CTNND1: variants seen among roughly 807,000 people sequenced by gnomAD.
CTNND1 encodes catenin delta 1.
Under a neutral mutation model 112.1 loss-of-function variants are expected in CTNND1, and 16 were observed. The ratio of observed to expected loss-of-function variants is 0.14; its 90% CI spans 0.10 to 0.22. CTNND1 has a LOEUF of 0.22. Ranked by LOEUF, CTNND1 falls within the 10% of genes least tolerant of loss-of-function variation. CTNND1 has a pLI of 1.00. For synonymous variants in CTNND1, 420 were observed against 446.5 expected (o/e 0.94, Z 0.75); for missense variants, 1,008 against 1,257.0 (o/e 0.80, Z 3.00).
intron 1 of CTNND1, among the ~76,000 whole-genome samples, chr11:57,768,419 A>G: frequency 1.9e-5 from 2 of 105,866 alleles, no homozygotes; most frequent in African/African-American, 7.4e-5. Flanking sequence ...TTTTAGACAG[A>G]GTCTTGCTCT....
chr11:57,812,074 C>A (rs1275560122), intron 17 of CTNND1, among the ~76,000 whole-genome samples: 2 of 152,176 alleles, frequency 1.3e-5, no homozygotes, highest in Non-Finnish European at 2.9e-5. Context: ...AAGATTGTTA[C>A]AATTTGTACT....
intron 1 of CTNND1, among the ~76,000 whole-genome samples, chr11:57,780,005 C>T (rs973282783): frequency 1.3e-5 from 2 of 150,104 alleles, no homozygotes; most frequent in South Asian, 2.1e-4. Flanking sequence ...TTCCCCTCTC[C>T]GTAAAAAAAA....
At chr11:57,816,167 A>G (rs1208093397) in intron 20 of CTNND1, 130 bp from the exon 21 acceptor site, 2 of 1,260,878 alleles carry the variant, frequency 1.6e-6, no homozygotes, top group Middle Eastern at 1.9e-4. Flanking sequence ...CGAGTCTGGG[A>G]CATGCAGCTG....
At chr11:57,802,542 A>T (rs1428157657) in intron 7 of CTNND1, among the ~76,000 whole-genome samples, 1 of 152,210 alleles carries the variant, frequency 6.6e-6, no homozygotes, top group South Asian at 2.1e-4. Context: ...TCTCCAACAC[A>T]TTCTATTATC....
At position 57,805,873 on chromosome 11, in the gene CTNND1, G is replaced by A; in HGVS notation, c.1723-9G>A. The A allele has an allele frequency of 6.2e-7, 1 of 1,610,074 alleles. No individual in the cohort carries two copies. Among genetic ancestry groups the A allele is most frequent in the Non-Finnish European group, 8.5e-7 (1 of 1,177,638 alleles). On this transcript the variant is annotated splice_polypyrimidine_tract_variant and intron_variant, in intron 9 of 20. Transcript: ENST00000399050. ...TCTTTTTTCTCATTGGCCCTTTTAT[G>A]TCCCTAAGCTTGTAGAGAACTGTGT...
At position 57,796,551 on chromosome 11, in the gene CTNND1, A is replaced by G. The variant is rs2061384697; in HGVS notation, c.515A>G (p.Asn172Ser). ...GLPVDASSVS[N>S]NYIQTLGRDF... Reference sequence around the variant, plus strand: ...CCTGTGGATGCTTCATCAGTTTCTAACAACTATATCCAGACTTTGGGTCGT... The same window carrying G: ...CCTGTGGATGCTTCATCAGTTTCTAGCAACTATATCCAGACTTTGGGTCGT... Residue 172 changes from asparagine (N) to serine (S), a missense_variant, in exon 6 of 21, where the codon AAC becomes AGC. By Grantham distance (46) the Asn-to-Ser change is conservative. Transcript: ENST00000399050. 21 of 1,614,008 alleles carry G rather than the reference A, an allele frequency of 1.3e-5. No homozygotes were observed. The highest frequency in any genetic ancestry group is 1.8e-5 in the Non-Finnish European group (21 of 1,179,892).
rs930494018 is a variant in CTNND1 at position 57,797,437 on chromosome 11, G to A, written c.956+445G>A. Among the ~76,000 whole-genome samples, 8 of 147,946 alleles carry A rather than the reference G, an allele frequency of 5.4e-5. No homozygotes were observed. The East Asian group carries it at 1.6e-3, about 30-fold the overall frequency. On this transcript the variant is annotated intron_variant, in intron 6 of 20. Transcript: ENST00000399050. ...GTAGAGATGGGGTTTCACCATGTTGGCCAGGCTGGTCTCAAACTCCCGACC... is the reference window on the plus strand; with the variant it reads ...GTAGAGATGGGGTTTCACCATGTTGACCAGGCTGGTCTCAAACTCCCGACC...
At position 57,796,507 on chromosome 11, in the gene CTNND1, T is replaced by C. The variant is rs2136922631; in HGVS notation, c.471T>C (p.Ala157=). The change falls in exon 6 of 21, where the codon GCT becomes GCC. Residue 157 remains alanine, a synonymous_variant. Transcript: ENST00000399050. The part of the protein sequence containing the change: ...TVTTRTVQPV[A]MGPDGLPVDA... ...CAACACGGACAGTACAGCCAGTCGC[T>C]ATGGGACCAGACGGGTTGCCTGTGG... The C allele has an allele frequency of 6.2e-7, 1 of 1,613,966 alleles. No individual in the cohort carries two copies. Among genetic ancestry groups the C allele is most frequent in the East Asian group, 2.2e-5 (1 of 44,892 alleles).
intron 3 of CTNND1, 72 bp downstream of exon 3, chr11:57,791,745 G>A (rs1007818668): frequency 6.3e-6 from 9 of 1,437,902 alleles, no homozygotes; most frequent in Non-Finnish European, 8.3e-6. Flanking sequence ...ATCCTTTTTG[G>A]GAAGCTACTC....
At position 57,816,153 on chromosome 11, in the gene CTNND1, CT is replaced by C. The variant is rs375072062; in HGVS notation, c.2896-142del. On this transcript the variant is annotated intron_variant, in intron 20 of 20. Transcript: ENST00000399050. ...GGTTCTGCTTTTGTGATTATTACCT[CT>C]TACGAGTCTGGGACATGCAGCTGGT... 7.1e-5 allele frequency: 84 copies of C among 1,190,790 alleles called. No homozygotes were observed. In the East Asian group the frequency reaches 1.4e-3, roughly 19 times the overall value. The allele number at this position is 1,190,790 out of a possible 1,614,324, so 73.8% of individuals were successfully genotyped here.
rs200948871 is a variant in CTNND1, at chr11:57,808,417, C to T, written c.2119C>T (p.Arg707Cys). ...TGGTCGATACATCCGCTCTGCTCTG[C>T]GTCAAGAGAAGGCTCTTTCTGCCAT... ...TYGRYIRSALRQEKALSAIAD... is the reference protein window; with the variant it reads ...TYGRYIRSALCQEKALSAIAD... Residue 707 changes from arginine to cysteine, a missense_variant, in exon 14 of 21, where the codon CGT becomes TGT. Around this residue, in one of 5 missense-constraint regions of CTNND1, gnomAD observed 254 missense variants for 279.5 expected, o/e 0.91. Transcript: ENST00000399050. 24 of 1,610,976 alleles carry T rather than the reference C, an allele frequency of 1.5e-5. No homozygotes were observed. Among genetic ancestry groups the T allele is most frequent in the South Asian group, 3.3e-5 (3 of 90,606 alleles).
intron 1 of CTNND1, among the ~76,000 whole-genome samples, chr11:57,769,086 C>A (rs1289762981): frequency 6.6e-6 from 1 of 151,454 alleles, no homozygotes; most frequent in Admixed American, 6.6e-5. Flanking sequence ...GCAGGCGCAT[C>A]ACTTGAGGTC....
At chr11:57,806,831 C>A (rs1291482761) in intron 11 of CTNND1, 84 bp from the exon 12 acceptor site, 5 of 1,206,784 alleles carry the variant, frequency 4.1e-6, no homozygotes, top group Non-Finnish European at 6.0e-6. Flanking sequence ...AAGGTTCTGA[C>A]TGAAGGATGA....
At position 57,794,017 on chromosome 11, in the gene CTNND1, G is replaced by C. The variant is rs779266022; in HGVS notation, c.203G>C (p.Arg68Pro). The C allele has an allele frequency of 2.5e-6, 4 of 1,613,824 alleles. No individual in the cohort carries two copies. The African/African-American group carries it at 5.3e-5, about 22-fold the overall frequency. The change falls in exon 4 of 21, where the codon CGG becomes CCG. Residue 68 changes from arginine (R) to proline (P), a missense_variant. Physicochemically the swap from Arg to Pro is moderately radical, Grantham distance 103 (BLOSUM62 -2). Around this residue, in one of 5 missense-constraint regions of CTNND1, gnomAD observed 404 missense variants for 457.9 expected, o/e 0.88. Coordinates refer to ENST00000399050, the MANE Select transcript of CTNND1 (RefSeq NM_001085458.2). ...GTLTRRHQNG[R>P]FVGDADLERQ... ...TTGTGGGCTGTGTTTCAGAACGGCC[G>C]GTTTGTGGGCGATGCTGACCTTGAA...
Position 57,808,435 on chromosome 11 carries a change from T to C in CTNND1, c.2137T>C (p.Ser713Pro), listed in dbSNP as rs1426947054. Residue 713 changes from serine to proline, a missense_variant, in exon 14 of 21, where the codon TCT (serine) becomes CCT (proline). By Grantham distance (74) the Ser-to-Pro change is moderately conservative. Transcript: ENST00000399050. ...TGCTCTGCGTCAAGAGAAGGCTCTT[T>C]CTGCCATAGCTGACCTCCTGACTAA... ...RSALRQEKAL[S>P]AIADLLTNEH... 6.2e-7 allele frequency: 1 copy of C among 1,612,398 alleles called. No individual in the cohort carries two copies. Among genetic ancestry groups the C allele is most frequent in the Admixed American group, 1.7e-5 (1 of 59,796 alleles).
intron 4 of CTNND1, among the ~76,000 whole-genome samples, chr11:57,795,310 G>A (rs752912268): frequency 2.0e-5 from 3 of 152,148 alleles, no homozygotes; most frequent in South Asian, 2.1e-4. Flanking sequence ...ACCACAGCTG[G>A]GAAGTTAAAT....
chr11:57,771,419 A>G (rs1256914087), intron 1 of CTNND1, among the ~76,000 whole-genome samples: 6 of 143,068 alleles, frequency 4.2e-5, no homozygotes, highest in Non-Finnish European at 7.6e-5. Flanking sequence ...GGGTGAGGTT[A>G]TTTTATATAG....
chr11:57,791,344 C>T (rs1165401113), intron 2 of CTNND1, 41 bp from the exon 3 acceptor site: 2 of 1,328,012 alleles, frequency 1.5e-6, no homozygotes, highest in Non-Finnish European at 1.9e-6. Flanking sequence ...CTTCTCTGAC[C>T]TGTGACCTTT....
intron 3 of CTNND1, chr11:57,793,066 ATGTGGTTGCTCTC>A (rs1565326865): frequency 1.3e-5 from 2 of 152,136 alleles, no homozygotes; most frequent in African/African-American, 4.8e-5. Flanking sequence ...AGGATTCAGT[ATGTGGTTGCTCTC>A]TTATTTTTAA....
Sources: allele counts gnomAD v4.1 joint callset (sites outside exome capture counted in the v4.1 genomes callset), GRCh38; gene constraint gnomAD v4.1.1; regional missense constraint gnomAD v4.1.1; transcripts MANE v1.5; gene names NCBI Gene and HGNC (gene_info 2026-07-23, HGNC 2026-07-21).